The following TUBGCP5 variants were observed in gnomAD, a reference collection of about 807,000 sequenced individuals.
TUBGCP5 encodes the protein tubulin gamma complex component 5, also known as gamma-tubulin complex component 5.
Under a neutral mutation model 134.7 loss-of-function variants are expected in TUBGCP5, and 98 were observed. The ratio of observed to expected loss-of-function variants is 0.73; its 90% CI spans 0.62 to 0.86. The LOEUF (loss-of-function observed/expected upper bound fraction) is 0.86. TUBGCP5 is among the 40% of genes least tolerant of loss of function. TUBGCP5 has a pLI of 0.00. For synonymous variants in TUBGCP5, 456 were observed against 431.4 expected (o/e 1.06, Z -0.71); for missense variants, 1,150 against 1,244.8 (o/e 0.92, Z 1.15).
intron 23 of TUBGCP5, among the ~76,000 whole-genome samples, chr15:22,990,227 C>A (rs2063805654): frequency 1.3e-5 from 2 of 151,952 alleles, no homozygotes; most frequent in Non-Finnish European, 2.9e-5. Context: ...AGCACTCCCC[C>A]TCCTTCTCCC....
intron 1 of TUBGCP5, among the ~76,000 whole-genome samples, chr15:23,037,810 T>C (rs1387729262): frequency 6.6e-6 from 1 of 152,220 alleles, no homozygotes; most frequent in Non-Finnish European, 1.5e-5. Context: ...GAGATGCTAC[T>C]TTTCAGTTAG....
intron 23 of TUBGCP5, among the ~76,000 whole-genome samples, chr15:22,991,176 C>A (rs2063832751): frequency 6.6e-6 from 1 of 151,904 alleles, no homozygotes; most frequent in South Asian, 2.1e-4. Context: ...CAGCTCACTG[C>A]AACCTCTGCC....
At chr15:22,995,464 A>T (rs987287564), downstream of TUBGCP5, among the ~76,000 whole-genome samples, 3 of 151,722 alleles carry the variant, frequency 2.0e-5, no homozygotes, top group Non-Finnish European at 4.4e-5. Context: ...GACATTGTGT[A>T]ACCTAAGAAA....
intron 23 of TUBGCP5, among the ~76,000 whole-genome samples, chr15:22,986,017 C>T (rs2063666850): frequency 6.8e-6 from 1 of 147,350 alleles, no homozygotes; most frequent in Admixed American, 6.9e-5. Context: ...GCCTGTAGTC[C>T]CAGCTACTCA....
chr15:22,992,461 G>A (rs1190684661), intron 23 of TUBGCP5, among the ~76,000 whole-genome samples: 2 of 152,096 alleles, frequency 1.3e-5, no homozygotes, highest in Non-Finnish European at 2.9e-5. Flanking sequence ...AGGTATGGGT[G>A]TATGGGTAAT....
chr15:23,004,315 ACTC>A lies in TUBGCP5; in HGVS notation c.2713-91_2713-89del, dbSNP rs763953446. On this transcript the variant is annotated intron_variant, in intron 19 of 22. Coordinates refer to ENST00000615383, the MANE Select transcript of TUBGCP5 (RefSeq NM_052903.6). ...CAAATCTTTTTTACTAAGCTCTTCTACTCCTCTCAAATTCTTCCTTCAATAAGC... is the reference window on the plus strand; with the variant it reads ...CAAATCTTTTTTACTAAGCTCTTCTACTCTCAAATTCTTCCTTCAATAAGC... 70 of 1,469,194 alleles carry A rather than the reference ACTC, an allele frequency of 4.8e-5. No individual in the cohort carries two copies. In the East Asian group the frequency reaches 1.0e-3, roughly 22 times the overall value. The allele number at this position is 1,469,194 out of a possible 1,614,324, so 91.0% of individuals were successfully genotyped here. A position where few individuals can be genotyped will look rare whatever the true frequency, so the allele number is the denominator to read the frequency against.
downstream of TUBGCP5, among the ~76,000 whole-genome samples, chr15:22,995,255 TAAATAA>T (rs902745123): frequency 1.3e-5 from 2 of 150,680 alleles, no homozygotes; most frequent in Non-Finnish European, 3.0e-5. Context: ...AATAAATAAA[TAAATAA>T]AAATAAAAAT....
Position 23,023,982 on chromosome 15 carries a change from T to G in TUBGCP5, c.1133A>C (p.Glu378Ala), listed in dbSNP as rs756967147. The G allele has an allele frequency of 6.2e-7, 1 of 1,614,044 alleles. No homozygotes were observed. The highest frequency in any genetic ancestry group is 1.1e-5 in the South Asian group (1 of 91,062). Residue 378 changes from glutamate (E) to alanine (A), a missense_variant, in exon 10 of 23, where the codon GAA becomes GCA. Coordinates refer to ENST00000615383, the MANE Select transcript of TUBGCP5 (RefSeq NM_052903.6). ...LYKYFISFKE[E>A]LAEIEKCIIN... ...GATGCACTTCTCAATTTCTGCAAGTTCCTCTTTGAAACTAATGAAATATTT... is the reference window on the plus strand; with the variant it reads ...GATGCACTTCTCAATTTCTGCAAGTGCCTCTTTGAAACTAATGAAATATTT...
chr15:23,005,619 C>T lies in TUBGCP5; in HGVS notation c.2534-9G>A. ...TGCAGTACTAACCAGTTCTATAAAA[C>T]ATTGGAAGAGCAAAGTGGACAGAAA... is the stretch of plus-strand genomic sequence containing the variant. On this transcript the variant is annotated splice_polypyrimidine_tract_variant and intron_variant, in intron 18 of 22. Coordinates refer to ENST00000615383, the MANE Select transcript of TUBGCP5 (RefSeq NM_052903.6). 1 of 1,608,546 alleles carries T rather than the reference C, an allele frequency of 6.2e-7. No homozygotes were observed. Among genetic ancestry groups the T allele is most frequent in the Non-Finnish European group, 8.5e-7 (1 of 1,176,416 alleles).
chr15:23,015,797 A>G (rs1376971290), intron 13 of TUBGCP5, among the ~76,000 whole-genome samples: 1 of 152,194 alleles, frequency 6.6e-6, no homozygotes, highest in Non-Finnish European at 1.5e-5. Flanking sequence ...ATACTACTGC[A>G]TTTGTCCAGA....
At position 23,008,778 on chromosome 15, in the gene TUBGCP5, C is replaced by G. The variant is rs2064868615; in HGVS notation, c.2248G>C (p.Glu750Gln). 1 of 1,607,428 alleles carries G rather than the reference C, an allele frequency of 6.2e-7. No individual in the cohort carries two copies. The highest frequency in any genetic ancestry group is 1.3e-5 in the African/African-American group (1 of 74,434). The change falls in exon 16 of 23, where the codon GAA becomes CAA. Residue 750 changes from glutamate to glutamine, a missense_variant. This residue lies in a region of TUBGCP5 where 697 missense variants were observed against 850.1 expected (regional missense o/e 0.82). Coordinates refer to ENST00000615383, the MANE Select transcript of TUBGCP5 (RefSeq NM_052903.6). ...AGAAAAGACACATTCTGCCATGTTT[C>G]CTTTTCTCTTATTTTATCAAAAATT... ...TSIFDKIREKETWQNVSFLNV... is the reference protein window; with the variant it reads ...TSIFDKIREKQTWQNVSFLNV...
intron 6 of TUBGCP5, among the ~76,000 whole-genome samples, chr15:23,028,131 A>G (rs1325475680): frequency 6.6e-6 from 1 of 152,156 alleles, no homozygotes; most frequent in Non-Finnish European, 1.5e-5. Context: ...CTACATTAAA[A>G]AAGAGCTAAC....
At chr15:22,992,252 A>C (rs1196821409) in intron 23 of TUBGCP5, among the ~76,000 whole-genome samples, 1 of 152,110 alleles carries the variant, frequency 6.6e-6, no homozygotes, top group Non-Finnish European at 1.5e-5. Context: ...GAGAGGCCCT[A>C]GCTTCTGCAG....
chr15:22,986,338 A>G lies in TUBGCP5; in HGVS notation c.*62-2727T>C, dbSNP rs190772942. On this transcript the variant is annotated intron_variant and NMD_transcript_variant, in intron 23 of 23. Coordinates refer to the TUBGCP5 transcript ENST00000614508. ...TAGTATTATAAAATAGATGAACCTC[A>G]AAACTATTCTGTAATTTTCCACACA... 2.0e-5 allele frequency among the ~76,000 whole-genome samples: 3 copies of G among 152,210 alleles called. No homozygotes were observed. The East Asian group carries it at 5.8e-4, about 29-fold the overall frequency.
At chr15:23,037,927 G>T (rs2066689249) in intron 1 of TUBGCP5, among the ~76,000 whole-genome samples, 1 of 152,106 alleles carries the variant, frequency 6.6e-6, no homozygotes, top group South Asian at 2.1e-4. Context: ...ACCACGCCCG[G>T]CTAATTTTTT....
chr15:23,019,852 ATTGTT>A (rs2065564091), intron 11 of TUBGCP5, among the ~76,000 whole-genome samples: 1 of 152,146 alleles, frequency 6.6e-6, no homozygotes, highest in Admixed American at 6.5e-5. Flanking sequence ...GGATGATCAT[ATTGTT>A]TGTAGTCCAG....
rs1439952403 is a variant in TUBGCP5 at position 23,037,147 on chromosome 15, T to A, written c.152A>T (p.His51Leu). Residue 51 changes from histidine (H) to leucine (L), a missense_variant, in exon 2 of 23, where the codon CAT becomes CTT. Coordinates refer to ENST00000615383, the MANE Select transcript of TUBGCP5 (RefSeq NM_052903.6). Reference protein sequence around the residue: ...LNFAWSNFRFHRFLDVNSHKI... With the variant: ...LNFAWSNFRFLRFLDVNSHKI... ...GTGGCTGTTGACATCCAAGAAACGATGAAATCTATTAAAGACAAAATGCAA... is the reference window on the plus strand; with the variant it reads ...GTGGCTGTTGACATCCAAGAAACGAAGAAATCTATTAAAGACAAAATGCAA... 6.2e-7 allele frequency: 1 copy of A among 1,613,080 alleles called. No homozygotes were observed.
Position 23,005,596 on chromosome 15 carries a change from C to A in TUBGCP5, c.2548G>T (p.Ala850Ser), listed in dbSNP as rs748144410. The stretch of plus-strand genomic sequence containing the variant: ...CCTTCTTTAAGTCGTGGTTTTTCTG[C>A]AGTACTAACCAGTTCTATAAAACAT... Reference protein sequence around the residue: ...VLLFGELVSTAEKPRLKEGLI... With the variant: ...VLLFGELVSTSEKPRLKEGLI... The change falls in exon 19 of 23, where the codon GCA (alanine) becomes TCA (serine). Residue 850 changes from alanine to serine, a missense_variant. Transcript: ENST00000615383. 1 of 1,613,510 alleles carries A rather than the reference C, an allele frequency of 6.2e-7. No homozygotes were observed. Among genetic ancestry groups the A allele is most frequent in the Non-Finnish European group, 8.5e-7 (1 of 1,179,702 alleles).
At chr15:23,001,818 G>A (rs1391746855) in intron 21 of TUBGCP5, among the ~76,000 whole-genome samples, 2 of 152,144 alleles carry the variant, frequency 1.3e-5, no homozygotes, top group Middle Eastern at 3.4e-3. Flanking sequence ...GAGCACCACA[G>A]TCATGAATAT....
Sources: allele counts gnomAD v4.1 joint callset (sites outside exome capture counted in the v4.1 genomes callset), GRCh38; gene constraint gnomAD v4.1.1; regional missense constraint gnomAD v4.1.1; transcripts MANE v1.5; gene names NCBI Gene and HGNC (gene_info 2026-07-23, HGNC 2026-07-21).